Variants in SORCS2 observed in about 807,000 individuals in gnomAD.
SORCS2 encodes sortilin related VPS10 domain containing receptor 2, also known as VPS10 domain-containing receptor SorCS2.
In SORCS2, 100 loss-of-function variants were observed where a neutral mutation model predicts 141.6. The observed-to-expected ratio is 0.71, with a 90% confidence interval of 0.60 to 0.83. The LOEUF is 0.83. SORCS2 is among the 40% of genes least tolerant of loss of function. The probability of loss-of-function intolerance (pLI) is 0.00; values close to 1 mark genes in which losing one functional copy is unlikely to be tolerated. For missense variants in SORCS2, 1,646 were observed against 1,560.2 expected, an observed-to-expected ratio of 1.05 and a Z score of -0.93; for synonymous variants, 789 against 676.9, an observed-to-expected ratio of 1.17 and a Z score of -2.57.
intron 12 of SORCS2, among the ~76,000 whole-genome samples, chr4:7,698,741 G>A (rs1036920484): frequency 1.1e-4 from 16 of 152,378 alleles, no homozygotes; most frequent in Admixed American, 6.5e-4. Flanking sequence ...GGTGCTTCCC[G>A]AAAGATGGCG....
chr4:7,216,155 C>T (rs951191652), intron 1 of SORCS2, among the ~76,000 whole-genome samples: 17 of 152,174 alleles, frequency 1.1e-4, no homozygotes, highest in African/African-American at 3.1e-4. Context: ...ACTCCAGACG[C>T]GCCGCCTTAA....
chr4:7,288,862 C>G (rs1183329347), intron 1 of SORCS2, among the ~76,000 whole-genome samples: 1 of 151,786 alleles, frequency 6.6e-6, no homozygotes, highest in East Asian at 1.9e-4. Context: ...GAGGTGGCTG[C>G]TGCCCAGCCC....
Position 7,714,382 on chromosome 4 carries a change from C to G in SORCS2, c.2123+9C>G. 6.5e-7 allele frequency: 1 copy of G among 1,549,658 alleles called. No individual in the cohort carries two copies. Among genetic ancestry groups the G allele is most frequent in the Non-Finnish European group, 8.7e-7 (1 of 1,146,486 alleles). On this transcript the variant is annotated intron_variant, in intron 16 of 26. Transcript: ENST00000507866. The stretch of plus-strand genomic sequence containing the variant: ...GACTCGGACTTCCTGTGGTGAGCGA[C>G]GGGCTCCTGGCCACGAGGCCTCAGG...
At chr4:7,653,913 TCTC>T (rs1721590746) in intron 4 of SORCS2, among the ~76,000 whole-genome samples, 1 of 152,174 alleles carries the variant, frequency 6.6e-6, no homozygotes, top group South Asian at 2.1e-4. Context: ...GAGAACCTCA[TCTC>T]CTGGCTCCTG....
At chr4:7,215,261 C>G (rs954028473) in intron 1 of SORCS2, among the ~76,000 whole-genome samples, 1 of 152,226 alleles carries the variant, frequency 6.6e-6, no homozygotes, top group African/African-American at 2.4e-5. Context: ...CAAGGAGGGA[C>G]TTAGCACCCG....
Position 7,243,496 on chromosome 4 carries a change from G to T in SORCS2, c.480+50370G>T, listed in dbSNP as rs34041281. On this transcript the variant is annotated intron_variant, in intron 1 of 26. Coordinates refer to ENST00000507866, the MANE Select transcript of SORCS2 (RefSeq NM_020777.3). ...AAGGTGCGGGGAGTGAAGGCTGGAGGAGCCCGGGCTCCAGCTTCCAGAACC... is the reference window on the plus strand; with the variant it reads ...AAGGTGCGGGGAGTGAAGGCTGGAGTAGCCCGGGCTCCAGCTTCCAGAACC... Among the ~76,000 whole-genome samples the T allele has an allele frequency of 7.7e-3, 1,165 of 152,236 alleles. 13 individuals carry two copies. Among genetic ancestry groups the T allele is most frequent in the African/African-American group, 0.026 (1,100 of 41,550 alleles).
intron 1 of SORCS2, among the ~76,000 whole-genome samples, chr4:7,301,510 G>A (rs1013829793): frequency 6.6e-6 from 1 of 152,186 alleles, no homozygotes; most frequent in Non-Finnish European, 1.5e-5. Context: ...GCGCTCAGGC[G>A]CTGGGCTGAC....
chr4:7,653,950 G>C (rs965605057), intron 4 of SORCS2, among the ~76,000 whole-genome samples, 184 bp from the exon 5 acceptor site: 1 of 152,212 alleles, frequency 6.6e-6, no homozygotes. Flanking sequence ...GGACAGGAAT[G>C]GTTCCTCCTG....
chr4:7,395,533 C>T (rs954744827), intron 1 of SORCS2, among the ~76,000 whole-genome samples: 3 of 152,164 alleles, frequency 2.0e-5, no homozygotes, highest in Admixed American at 6.5e-5. Flanking sequence ...TATTCCCCAC[C>T]CCCCAACTTT....
chr4:7,620,585 A>T (rs1719099187), intron 3 of SORCS2, among the ~76,000 whole-genome samples: 2 of 152,242 alleles, frequency 1.3e-5, no homozygotes, highest in South Asian at 4.1e-4. Context: ...AAACAGTAGC[A>T]GGATGTGCGG....
chr4:7,286,393 C>T lies in SORCS2; in HGVS notation c.480+93267C>T, dbSNP rs541510817. On this transcript the variant is annotated intron_variant, in intron 1 of 26. Coordinates refer to ENST00000507866, the MANE Select transcript of SORCS2 (RefSeq NM_020777.3). The surrounding 1 kb of genome is among the most constrained non-coding windows in gnomAD (Gnocchi z 4.1). ...GGGGAGCTACCTACTTTGGCCAGAACGGAGCAGGGTGTGGGCGAAGGGAGA... is the reference window on the plus strand; with the variant it reads ...GGGGAGCTACCTACTTTGGCCAGAATGGAGCAGGGTGTGGGCGAAGGGAGA... Among the ~76,000 whole-genome samples the T allele has an allele frequency of 7.9e-5, 12 of 152,288 alleles. No individual in the cohort carries two copies. Among genetic ancestry groups the T allele is most frequent in the East Asian group, 1.9e-4 (1 of 5,188 alleles).
At chr4:7,527,066 G>A (rs1201412918) in intron 2 of SORCS2, among the ~76,000 whole-genome samples, 1 of 152,170 alleles carries the variant, frequency 6.6e-6, no homozygotes, top group Non-Finnish European at 1.5e-5. Context: ...GGTGCTGCCC[G>A]ACAATGCGGG....
At chr4:7,519,549 G>A (rs931662119) in intron 2 of SORCS2, among the ~76,000 whole-genome samples, 6 of 152,222 alleles carry the variant, frequency 3.9e-5, no homozygotes, top group Admixed American at 1.3e-4. Flanking sequence ...GACCCAGCAC[G>A]TGGCGGCCAC....
intron 2 of SORCS2, among the ~76,000 whole-genome samples, chr4:7,516,687 C>T (rs1560348822): frequency 6.6e-6 from 1 of 152,086 alleles, no homozygotes; most frequent in African/African-American, 2.4e-5. Flanking sequence ...TCCAGGAACA[C>T]GGCATGAAGT....
At chr4:7,541,977 A>C (rs1212485256) in intron 3 of SORCS2, among the ~76,000 whole-genome samples, 1 of 152,208 alleles carries the variant, frequency 6.6e-6, no homozygotes, top group Non-Finnish European at 1.5e-5. Context: ...AGCCATGTGC[A>C]GGACCCCCTG....
chr4:7,315,001 T>G (rs979491832), intron 1 of SORCS2, among the ~76,000 whole-genome samples: 8 of 152,044 alleles, frequency 5.3e-5, no homozygotes, highest in Non-Finnish European at 1.2e-4. Context: ...CCAGTTAATT[T>G]TTTGTATTTT....
In SORCS2 at chr4:7,193,207, C is replaced by G; in HGVS notation, c.480+81C>G. The G allele has an allele frequency of 7.3e-7, 1 of 1,361,898 alleles. No individual in the cohort carries two copies. Among genetic ancestry groups the G allele is most frequent in the Non-Finnish European group, 9.4e-7 (1 of 1,059,570 alleles). The allele number at this position is 1,361,898 out of a possible 1,614,324, so 84.4% of individuals were successfully genotyped here. ...CGGGCGGGACCGCCACGGCCCCCAC[C>G]CCAGATCCCCACTATGGTCATCAGG... is the stretch of plus-strand genomic sequence containing the variant. On this transcript the variant is annotated intron_variant, in intron 1 of 26. Transcript: ENST00000507866. This position sits in a 1 kb window ranked among gnomAD's most constrained non-coding sequence, Gnocchi z 4.8.
At chr4:7,445,244 A>C (rs994552985) in intron 2 of SORCS2, among the ~76,000 whole-genome samples, 1 of 152,192 alleles carries the variant, frequency 6.6e-6, no homozygotes, top group African/African-American at 2.4e-5. Context: ...GGGACTTGGC[A>C]GTAAGGGCCA....
Position 7,538,923 on chromosome 4 carries a change from T to C in SORCS2, c.648+7294T>C, listed in dbSNP as rs1712346227. Among the ~76,000 whole-genome samples the C allele has an allele frequency of 2.0e-5, 3 of 152,336 alleles. No homozygotes were observed. The South Asian group carries it at 6.2e-4, about 32-fold the overall frequency. On this transcript the variant is annotated intron_variant, in intron 3 of 26. Transcript: ENST00000507866. ...CTTGGCAGAGGCGGTGTGGTCATGA[T>C]AAAGCATGGCCCTGTGTCCTGAAGG...
Sources: gnomAD v4.1 joint callset for allele counts (sites outside exome capture counted in the v4.1 genomes callset) on GRCh38, gnomAD v4.1.1 for gene constraint, Gnocchi (gnomAD v3.1) non-coding constraint, MANE v1.5 for transcripts, NCBI Gene and HGNC (gene_info 2026-07-23, HGNC 2026-07-21) for gene names.